The following PTPRS variants were observed in gnomAD, a reference collection of about 807,000 sequenced individuals.
PTPRS encodes receptor-type tyrosine-protein phosphatase S.
PTPRS carries 63 observed loss-of-function variants against 215.3 expected under a neutral mutation model. The ratio of observed to expected loss-of-function variants is 0.29; its 90% CI spans 0.24 to 0.36. The LOEUF (loss-of-function observed/expected upper bound fraction) is 0.36, where lower values mean the gene tolerates loss of function less well. Ranked by LOEUF, PTPRS falls within the 10% of genes least tolerant of loss-of-function variation. PTPRS has a pLI of 1.00. For synonymous variants in PTPRS, 1,404 were observed against 1,191.4 expected, an observed-to-expected ratio of 1.18 and a Z score of -3.68; for missense variants, 2,258 against 2,825.8, an observed-to-expected ratio of 0.80 and a Z score of 4.56.
intron 1 of PTPRS, among the ~76,000 whole-genome samples, chr19:5,337,290 C>A (rs971435723): frequency 2.2e-4 from 33 of 152,244 alleles, no homozygotes; most frequent in African/African-American, 7.7e-4. Context: ...TCTCTCCACG[C>A]CCCGCTTCTT....
chr19:5,340,453 C>T (rs1246075131), intron 1 of PTPRS, among the ~76,000 whole-genome samples: 3 of 150,616 alleles, frequency 2.0e-5, no homozygotes, highest in Non-Finnish European at 3.0e-5. Flanking sequence ...CGGCCCTGTC[C>T]CTCGGGGCAT....
chr19:5,220,960 T>C, intron 20 of PTPRS, 40 bp downstream of exon 20: 2 of 1,571,602 alleles, frequency 1.3e-6, no homozygotes, highest in Non-Finnish European at 1.7e-6. Flanking sequence ...AGTAGGCTGA[T>C]GGGGGTGACA....
chr19:5,216,080 C>T (rs1394742357), intron 26 of PTPRS, among the ~76,000 whole-genome samples: 2 of 152,238 alleles, frequency 1.3e-5, no homozygotes, highest in African/African-American at 4.8e-5. Context: ...GGCACGAAAT[C>T]CGCTTCCAGG....
chr19:5,228,987 G>A (rs562283862), intron 16 of PTPRS, among the ~76,000 whole-genome samples: 30 of 152,332 alleles, frequency 2.0e-4, no homozygotes, highest in African/African-American at 7.0e-4. Context: ...AAATGACTAC[G>A]GGCAGGAGAA....
chr19:5,278,211 G>T (rs555410568), intron 2 of PTPRS: 9 of 377,424 alleles, frequency 2.4e-5, no homozygotes, highest in East Asian at 1.6e-4. Context: ...GGAGTGGGGG[G>T]TGGGGGAAAG....
chr19:5,336,486 A>G (rs1159177864), intron 1 of PTPRS, among the ~76,000 whole-genome samples: 1 of 151,922 alleles, frequency 6.6e-6, no homozygotes, highest in East Asian at 1.9e-4. Context: ...CATGCATTTG[A>G]GCCTCAATCC....
At chr19:5,292,164 C>T (rs1788525355) in intron 1 of PTPRS, among the ~76,000 whole-genome samples, 1 of 152,172 alleles carries the variant, frequency 6.6e-6, no homozygotes, top group Admixed American at 6.5e-5. Context: ...TTTTCCCACC[C>T]CAGGAACGTG....
rs539906016 is a variant in PTPRS, at chr19:5,305,465, T to C, written c.-94-19231A>G. ...AGGAGGCTGAAGCAGGAGGATCACTTGAGCCTTGGAGGTCGAGGCTGCAGT... is the reference window on the plus strand; with the variant it reads ...AGGAGGCTGAAGCAGGAGGATCACTCGAGCCTTGGAGGTCGAGGCTGCAGT... On this transcript the variant is annotated intron_variant, in intron 1 of 37. Coordinates refer to ENST00000262963, the MANE Select transcript of PTPRS (RefSeq NM_002850.4). 1.2e-4 allele frequency among the ~76,000 whole-genome samples: 19 copies of C among 152,250 alleles called. No homozygotes were observed. In the South Asian group the frequency reaches 3.9e-3, roughly 32 times the overall value.
At chr19:5,286,428 C>G (rs1174858506) in intron 1 of PTPRS, 194 bp from the exon 2 acceptor site, 4 of 436,282 alleles carry the variant, frequency 9.2e-6, no homozygotes, top group Non-Finnish European at 1.7e-5. Context: ...AGGTGTCTCC[C>G]CCACAAAAAA....
intron 4 of PTPRS, among the ~76,000 whole-genome samples, chr19:5,272,595 C>CAAA (rs10527451): frequency 1.6e-3 from 120 of 73,364 alleles, no homozygotes; most frequent in South Asian, 2.5e-3. Flanking sequence ...AAGACTGTCT[C>CAAA]AAAAAAAAAA....
chr19:5,269,343 C>T (rs962152526), intron 4 of PTPRS, among the ~76,000 whole-genome samples: 2 of 151,988 alleles, frequency 1.3e-5, no homozygotes, highest in African/African-American at 4.8e-5. Context: ...ACGTACATCG[C>T]GAACCACACT....
Position 5,237,550 on chromosome 19 carries a change from T to A in PTPRS, c.1849+1369A>T, listed in dbSNP as rs146553587. On this transcript the variant is annotated intron_variant, in intron 13 of 37. Transcript: ENST00000262963. The surrounding 1 kb of genome is among the most constrained non-coding windows in gnomAD (Gnocchi z 4.2). ...ATGTGCGTGCGTGGGCAGCGTGGCA[T>A]GGTGGTGGCACGTGGTTTGGGAGAG... Among the ~76,000 whole-genome samples the A allele has an allele frequency of 2.6e-5, 4 of 152,080 alleles. No individual in the cohort carries two copies. Among genetic ancestry groups the A allele is most frequent in the African/African-American group, 9.7e-5 (4 of 41,388 alleles).
chr19:5,250,407 G>A (rs1218548654), intron 9 of PTPRS, among the ~76,000 whole-genome samples: 3 of 152,176 alleles, frequency 2.0e-5, no homozygotes, highest in Non-Finnish European at 2.9e-5. Context: ...TTCCACCCCC[G>A]GCTGCAAGCT....
At position 5,286,296 on chromosome 19, in the gene PTPRS, G is replaced by A. The variant is rs930364361; in HGVS notation, c.-94-62C>T. ...GGAAATCCAGGAGACCTTCATGGAGGAGGCAGAGGGAGGGTCACATGGAGC... is the reference window on the plus strand; with the variant it reads ...GGAAATCCAGGAGACCTTCATGGAGAAGGCAGAGGGAGGGTCACATGGAGC... On this transcript the variant is annotated intron_variant, in intron 1 of 37. Coordinates refer to ENST00000262963, the MANE Select transcript of PTPRS (RefSeq NM_002850.4). The A allele has an allele frequency of 1.3e-5, 10 of 744,324 alleles. 1 individual carries two copies. In the South Asian group the frequency reaches 1.5e-4, roughly 11 times the overall value. The allele number at this position is 744,324 out of a possible 1,614,324, so 46.1% of individuals were successfully genotyped here.
chr19:5,297,628 C>A (rs2049175640), intron 1 of PTPRS, among the ~76,000 whole-genome samples: 1 of 152,030 alleles, frequency 6.6e-6, no homozygotes, highest in Non-Finnish European at 1.5e-5. Context: ...ACTGGGGGGT[C>A]CCTGGGGGAG....
Position 5,243,935 on chromosome 19 carries a change from G to A in PTPRS, c.1536C>T (p.Leu512=), listed in dbSNP as rs1280636333. 2.5e-6 allele frequency: 4 copies of A among 1,573,124 alleles called. No individual in the cohort carries two copies. Among genetic ancestry groups the A allele is most frequent in the Non-Finnish European group, 3.4e-6 (4 of 1,164,034 alleles). The change falls in exon 11 of 38, where the codon CTC becomes CTT. Residue 512 remains leucine, a synonymous_variant. Transcript: ENST00000262963. ...GCGTCTTGACCTGGATGGGGTCCGAGAGGGGCCCGTCGCCGACGGAGGTGA... is the reference window on the plus strand; with the variant it reads ...GCGTCTTGACCTGGATGGGGTCCGAAAGGGGCCCGTCGCCGACGGAGGTGA... The part of the protein sequence containing the change: ...LAFTSVGDGP[L]SDPIQVKTQQ...
chr19:5,336,242 CTT>C (rs908954250), intron 1 of PTPRS, among the ~76,000 whole-genome samples: 13 of 102,980 alleles, frequency 1.3e-4, no homozygotes, highest in Non-Finnish European at 2.3e-4. Flanking sequence ...GGTTGAGAGT[CTT>C]TTCTTTCCTT....
rs1444201338 is a variant in PTPRS at position 5,231,391 on chromosome 19, AC to A, written c.2073del (p.Gln691HisfsTer119). The A allele has an allele frequency of 1.9e-6, 3 of 1,612,828 alleles. No homozygotes were observed. The highest frequency in any genetic ancestry group is 1.3e-5 in the African/African-American group (1 of 74,774). ...ILLEALEKWT[Q>X]YRITTVAHTE... ...GTGTGAGCGACAGTCGTGATGCGGT[AC>A]TGGGTCCACTTCTCCAAGGCCTCCA... is the stretch of plus-strand genomic sequence containing the variant. On this transcript the variant is annotated frameshift_variant, in exon 14 of 38. Coordinates refer to ENST00000262963, the MANE Select transcript of PTPRS (RefSeq NM_002850.4). LOFTEE classifies it high-confidence loss of function.
chr19:5,232,016 CATTT>C (rs1368371614), intron 13 of PTPRS, among the ~76,000 whole-genome samples: 3 of 152,172 alleles, frequency 2.0e-5, no homozygotes, highest in Non-Finnish European at 4.4e-5. Flanking sequence ...ACAGGAGCTC[CATTT>C]ATTAGGCACC....
Sources: allele counts gnomAD v4.1 joint callset (sites outside exome capture counted in the v4.1 genomes callset), GRCh38; gene constraint gnomAD v4.1.1; non-coding constraint Gnocchi (gnomAD v3.1); transcripts MANE v1.5; gene names NCBI Gene and HGNC (gene_info 2026-07-23, HGNC 2026-07-21).